Variants in SETDB2 observed in about 807,000 individuals in gnomAD.
SETDB2 encodes histone-lysine N-methyltransferase SETDB2.
SETDB2 carries 56 observed loss-of-function variants against 82.5 expected under a neutral mutation model. The observed-to-expected ratio is 0.68, with a 90% CI of 0.55 to 0.85. SETDB2 has a LOEUF of 0.85. Among genes scored for constraint, SETDB2 ranks in the 40% least tolerant of loss-of-function variants. The pLI is 0.00. For missense variants in SETDB2, 677 were observed against 816.4 expected (o/e 0.83, Z 2.08); for synonymous variants, 272 against 284.9 (o/e 0.95, Z 0.46).
intron 2 of SETDB2, among the ~76,000 whole-genome samples, chr13:49,456,926 G>T (rs186997586): frequency 6.6e-6 from 1 of 152,248 alleles, no homozygotes; most frequent in Non-Finnish European, 1.5e-5. Context: ...CCATTTTAAT[G>T]AAAATTAAAC....
intron 2 of SETDB2, among the ~76,000 whole-genome samples, chr13:49,458,789 A>G (rs980854585): frequency 3.9e-5 from 6 of 152,212 alleles, no homozygotes; most frequent in Admixed American, 3.3e-4. Flanking sequence ...GAATAGCATT[A>G]TTGTCCATAT....
intron 13 of SETDB2, 142 bp downstream of exon 13, chr13:49,491,052 A>G: frequency 1.8e-6 from 1 of 565,296 alleles, no homozygotes; most frequent in Non-Finnish European, 3.1e-6. Flanking sequence ...CAGGAGTTTA[A>G]GACCAGCCAG....
In SETDB2 at chr13:49,463,669, G is replaced by A. The variant is rs150604297; in HGVS notation, c.208+2507G>A. Among the ~76,000 whole-genome samples the A allele has an allele frequency of 2.6e-5, 4 of 152,326 alleles. No individual in the cohort carries two copies. The East Asian group carries it at 7.7e-4, about 29-fold the overall frequency. ...CACAGCTTATTCCATGACCTTCACT[G>A]TGGTGCCCAGGTGGCCATAATTCAG... On this transcript the variant is annotated intron_variant, in intron 4 of 13. Transcript: ENST00000611815.
chr13:49,453,633 C>T (rs1200218109), intron 2 of SETDB2, among the ~76,000 whole-genome samples: 2 of 152,136 alleles, frequency 1.3e-5, no homozygotes, highest in Non-Finnish European at 2.9e-5. Flanking sequence ...ATACCGTCAT[C>T]AGTGTAGGTA....
chr13:49,451,667 CTT>C lies in SETDB2; in HGVS notation c.-224_-223del, dbSNP rs1957789060. On this transcript the variant is annotated 5_prime_UTR_variant, in exon 2 of 14. It removes the in-frame stop codon of an upstream open reading frame in the 5' UTR. Coordinates refer to ENST00000611815, the MANE Select transcript of SETDB2 (RefSeq NM_001160308.3). ...TACGTGAGAAGATTCATGGACTTGT[CTT>C]TTGGTTGGACTGTCACTCATTTCTG... is the stretch of plus-strand genomic sequence containing the variant. 1 of 371,450 alleles carries C rather than the reference CTT, an allele frequency of 2.7e-6. No individual in the cohort carries two copies. The highest frequency in any genetic ancestry group is 2.1e-5 in the African/African-American group (1 of 47,470). 23.0% of individuals were successfully genotyped at this position (371,450 alleles called of 1,614,324 possible).
intron 5 of SETDB2, among the ~76,000 whole-genome samples, chr13:49,469,738 TA>T (rs1245737394): frequency 1.3e-5 from 2 of 152,178 alleles, no homozygotes; most frequent in African/African-American, 4.8e-5. Flanking sequence ...CCTTGAGATT[TA>T]ATTTGTAGAG....
intron 5 of SETDB2, among the ~76,000 whole-genome samples, chr13:49,474,180 T>G (rs1042487086): frequency 6.6e-6 from 1 of 152,258 alleles, no homozygotes; most frequent in Non-Finnish European, 1.5e-5. Context: ...AAGAATTGCT[T>G]GAAGCTGGGA....
chr13:49,489,894 C>G (rs1236615990), intron 12 of SETDB2, among the ~76,000 whole-genome samples: 2 of 93,470 alleles, frequency 2.1e-5, no homozygotes, highest in African/African-American at 3.8e-5. Flanking sequence ...CCGCACCTGG[C>G]CTTATTTCTC....
rs774458710 is a variant in SETDB2 at position 49,461,163 on chromosome 13, G to T, written c.208+1G>T. 2.5e-6 allele frequency: 4 copies of T among 1,592,148 alleles called. No individual in the cohort carries two copies. The highest frequency in any genetic ancestry group is 2.6e-6 in the Non-Finnish European group (3 of 1,161,064). On this transcript the variant is annotated splice_donor_variant, in intron 4 of 13. Coordinates refer to ENST00000611815, the MANE Select transcript of SETDB2 (RefSeq NM_001160308.3). LOFTEE classifies it high-confidence loss of function. ...ATTAACAGTTCAACATCAATAAAGG[G>T]TATGTACATCTCTATTCCCATTGTA...
At chr13:49,458,867 G>A (rs1279728351) in intron 2 of SETDB2, among the ~76,000 whole-genome samples, 1 of 152,182 alleles carries the variant, frequency 6.6e-6, no homozygotes, top group Non-Finnish European at 1.5e-5. Flanking sequence ...TGATCTTTCT[G>A]GAAAACATAA....
At chr13:49,467,830 G>A (rs899616389) in intron 4 of SETDB2, 34 bp from the exon 5 acceptor site, 2 of 1,514,050 alleles carry the variant, frequency 1.3e-6, no homozygotes, top group East Asian at 2.3e-5. Context: ...TTTTAACTTG[G>A]TATATTTGTT....
Position 49,460,332 on chromosome 13 carries a change from A to G in SETDB2, c.142+100A>G, listed in dbSNP as rs950784900. ...CCAATATTGCTGTTTGTAAAAGTAGATGGATGTAATTACTTTTGAATAATA... is the reference window on the plus strand; with the variant it reads ...CCAATATTGCTGTTTGTAAAAGTAGGTGGATGTAATTACTTTTGAATAATA... On this transcript the variant is annotated intron_variant, in intron 3 of 13. Coordinates refer to ENST00000611815, the MANE Select transcript of SETDB2 (RefSeq NM_001160308.3). 57 of 1,207,278 alleles carry G rather than the reference A, an allele frequency of 4.7e-5. No individual in the cohort carries two copies. In the Admixed American group the frequency reaches 1.8e-3, roughly 37 times the overall value. The allele number at this position is 1,207,278 out of a possible 1,614,324, so 74.8% of individuals were successfully genotyped here.
In SETDB2 at chr13:49,482,854, C is replaced by A; in HGVS notation, c.1274C>A (p.Ser425Ter). Residue 425 changes from serine (S) to a stop codon, truncating the protein, a stop_gained, in exon 9 of 14, where the codon TCA becomes TAA. Transcript: ENST00000611815. LOFTEE classifies it high-confidence loss of function. ...AAGAGGAAATTAGAAGTTGCATGTT[C>A]AGATTGTGAAGTTGAAGTTCTCCCA... ...SKKRKLEVAC[S>*]DCEVEVLPLG... The A allele has an allele frequency of 6.2e-7, 1 of 1,612,962 alleles. No individual in the cohort carries two copies. The highest frequency in any genetic ancestry group is 1.1e-5 in the South Asian group (1 of 90,994).
intron 4 of SETDB2, among the ~76,000 whole-genome samples, chr13:49,463,345 A>G (rs1958036032): frequency 6.6e-6 from 1 of 152,078 alleles, no homozygotes; most frequent in Non-Finnish European, 1.5e-5. Flanking sequence ...TGTTGCGGGA[A>G]TTAGGAGGAC....
At chr13:49,481,259 A>G (rs1244489136) in intron 8 of SETDB2, 143 bp downstream of exon 8, 3 of 682,212 alleles carry the variant, frequency 4.4e-6, no homozygotes, top group Non-Finnish European at 7.1e-6. Flanking sequence ...AAGGCAGGTA[A>G]ACTGGGAACT....
chr13:49,470,946 T>G (rs1327451096), intron 5 of SETDB2, among the ~76,000 whole-genome samples: 1 of 113,394 alleles, frequency 8.8e-6, no homozygotes, highest in Non-Finnish European at 1.8e-5. Flanking sequence ...GTGGGGTTTT[T>G]TTGTTTTCTT....
intron 4 of SETDB2, among the ~76,000 whole-genome samples, chr13:49,463,743 A>G (rs768667540): frequency 6.6e-6 from 1 of 152,184 alleles, no homozygotes; most frequent in Non-Finnish European, 1.5e-5. Context: ...CTTAGATAAA[A>G]CAGAATACTT....
At chr13:49,463,437 C>G (rs1164888717) in intron 4 of SETDB2, among the ~76,000 whole-genome samples, 1 of 152,126 alleles carries the variant, frequency 6.6e-6, no homozygotes, top group Non-Finnish European at 1.5e-5. Flanking sequence ...AAAACTTGGC[C>G]CAGAACAAAG....
At chr13:49,446,727 T>G (rs1398789455) in intron 1 of SETDB2, among the ~76,000 whole-genome samples, 1 of 152,218 alleles carries the variant, frequency 6.6e-6, no homozygotes. Context: ...ATTGGTCTTG[T>G]TGTTAAATCC....
Sources: gnomAD v4.1 joint callset for allele counts (sites outside exome capture counted in the v4.1 genomes callset) on GRCh38, gnomAD v4.1.1 for gene constraint, MANE v1.5 for transcripts, NCBI Gene and HGNC (gene_info 2026-07-23, HGNC 2026-07-21) for gene names.